The following GRAMD2B variants were observed in gnomAD, a reference collection of about 807,000 sequenced individuals.
GRAMD2B encodes GRAM domain-containing protein 2B.
GRAMD2B carries 41 observed loss-of-function variants against 59.2 expected under a neutral mutation model. That is an observed-to-expected ratio of 0.69 (90% confidence interval 0.54 to 0.90). GRAMD2B has a LOEUF of 0.90. Among genes scored for constraint, GRAMD2B ranks in the 40% least tolerant of loss-of-function variants. The pLI is 0.00. For synonymous variants in GRAMD2B, 161 were observed against 182.7 expected (o/e 0.88, Z 0.96); for missense variants, 424 against 500.5 (o/e 0.85, Z 1.46).
intron 1 of GRAMD2B, among the ~76,000 whole-genome samples, chr5:126,406,313 A>G (rs932710958): frequency 6.6e-6 from 1 of 151,934 alleles, no homozygotes; most frequent in Admixed American, 6.6e-5. Flanking sequence ...TATGTAACTA[A>G]CCTGCACGTT....
At chr5:126,362,011 C>T (rs564846872) in intron 1 of GRAMD2B, among the ~76,000 whole-genome samples, 42 of 152,316 alleles carry the variant, frequency 2.8e-4, no homozygotes, top group African/African-American at 9.9e-4. Context: ...ACCATCACCC[C>T]AAATGTGGTG....
At chr5:126,484,371 A>T in intron 9 of GRAMD2B, 31 bp from the exon 10 acceptor site, 1 of 1,605,264 alleles carries the variant, frequency 6.2e-7, no homozygotes, top group Non-Finnish European at 8.5e-7. Flanking sequence ...ATTGGAGAGA[A>T]CACTTACCCA....
At chr5:126,401,548 C>T (rs1232474489) in intron 1 of GRAMD2B, among the ~76,000 whole-genome samples, 1 of 151,876 alleles carries the variant, frequency 6.6e-6, no homozygotes, top group East Asian at 1.9e-4. Flanking sequence ...GCTATCTTCA[C>T]ATTTGAAGAA....
chr5:126,388,995 C>G (rs988513147), intron 1 of GRAMD2B, among the ~76,000 whole-genome samples: 2 of 152,134 alleles, frequency 1.3e-5, no homozygotes, highest in African/African-American at 4.8e-5. Context: ...ACTGGTACCT[C>G]CTAAATCGAT....
intron 1 of GRAMD2B, among the ~76,000 whole-genome samples, chr5:126,415,433 T>C (rs1379068671): frequency 6.6e-6 from 1 of 152,134 alleles, no homozygotes; most frequent in East Asian, 1.9e-4. Context: ...TATTTATTTT[T>C]ATATCTCCAT....
intron 1 of GRAMD2B, among the ~76,000 whole-genome samples, chr5:126,393,183 T>TTTC (rs1385035855): frequency 6.6e-6 from 1 of 152,146 alleles, no homozygotes; most frequent in Non-Finnish European, 1.5e-5. Flanking sequence ...TCCCCTTCAC[T>TTTC]TTCCCCTTTT....
chr5:126,420,086 A>G (rs1203949517), upstream of GRAMD2B, among the ~76,000 whole-genome samples: 1 of 150,958 alleles, frequency 6.6e-6, no homozygotes, highest in Non-Finnish European at 1.5e-5. Flanking sequence ...AAGAAAGAAA[A>G]GAAAAGAAAT....
Position 126,469,698 on chromosome 5 carries a change from T to C in GRAMD2B, c.225T>C (p.Gly75=). The C allele has an allele frequency of 6.2e-7, 1 of 1,613,304 alleles. No homozygotes were observed. Among genetic ancestry groups the C allele is most frequent in the Non-Finnish European group, 8.5e-7 (1 of 1,179,334 alleles). The part of the protein sequence containing the change: ...ISLWSKSSFD[G]ASLASDKNDC... Reference sequence around the variant, plus strand: ...TTAGGTCAAAATCCAGTTTTGATGGTGCCTCTTTAGCAAGTGATAAGAACG... The same window carrying C: ...TTAGGTCAAAATCCAGTTTTGATGGCGCCTCTTTAGCAAGTGATAAGAACG... Residue 75 remains glycine (G), a synonymous_variant, in exon 3 of 14, where the codon GGT becomes GGC. Coordinates refer to ENST00000285689, the MANE Select transcript of GRAMD2B (RefSeq NM_023927.4).
chr5:126,385,976 GC>G (rs1756091701), intron 1 of GRAMD2B, among the ~76,000 whole-genome samples: 1 of 152,156 alleles, frequency 6.6e-6, no homozygotes, highest in African/African-American at 2.4e-5. Context: ...GGTCTCTGGA[GC>G]AGAGAGGGAG....
chr5:126,425,101 G>C (rs1435668525), intron 1 of GRAMD2B, among the ~76,000 whole-genome samples: 1 of 152,104 alleles, frequency 6.6e-6, no homozygotes, highest in African/African-American at 2.4e-5. Flanking sequence ...CCTAATACTA[G>C]TCAGCATGCA....
At chr5:126,365,129 A>G (rs141301200) in intron 1 of GRAMD2B, among the ~76,000 whole-genome samples, 105 of 152,226 alleles carry the variant, frequency 6.9e-4, no homozygotes, top group African/African-American at 2.3e-3. Flanking sequence ...TCTTCTTTAT[A>G]TTTTATTTTC....
chr5:126,453,297 T>C (rs566701994), intron 1 of GRAMD2B, among the ~76,000 whole-genome samples: 1 of 147,490 alleles, frequency 6.8e-6, no homozygotes, highest in South Asian at 2.1e-4. Flanking sequence ...ATCACGCCAC[T>C]GCACTCTAGC....
intron 1 of GRAMD2B, among the ~76,000 whole-genome samples, chr5:126,410,162 A>G (rs1228810286): frequency 1.3e-5 from 2 of 151,880 alleles, no homozygotes; most frequent in African/African-American, 4.8e-5. Context: ...GGATTGACTT[A>G]GCAATGCGGG....
At chr5:126,360,612 C>G (rs961326319) in intron 1 of GRAMD2B, among the ~76,000 whole-genome samples, 3 of 152,134 alleles carry the variant, frequency 2.0e-5, no homozygotes, top group African/African-American at 7.2e-5. Context: ...TGTTTATCAT[C>G]AGGGTCTTGA....
chr5:126,442,431 A>T (rs1414935843), intron 1 of GRAMD2B, among the ~76,000 whole-genome samples: 1 of 151,488 alleles, frequency 6.6e-6, no homozygotes, highest in Non-Finnish European at 1.5e-5. Context: ...GCCTGGGATT[A>T]CAGGCGCCCA....
chr5:126,486,653 G>A (rs1426262320), intron 11 of GRAMD2B, among the ~76,000 whole-genome samples: 3 of 152,162 alleles, frequency 2.0e-5, no homozygotes, highest in African/African-American at 7.2e-5. Context: ...GCCATTATTT[G>A]CAAATTAAGG....
chr5:126,402,460 A>G (rs1757921009), intron 1 of GRAMD2B, among the ~76,000 whole-genome samples: 1 of 151,964 alleles, frequency 6.6e-6, no homozygotes, highest in Non-Finnish European at 1.5e-5. Context: ...GACAACACCA[A>G]CCTCTTCAAA....
intron 12 of GRAMD2B, among the ~76,000 whole-genome samples, chr5:126,488,355 G>T (rs780654113): frequency 6.6e-6 from 1 of 152,112 alleles, no homozygotes; most frequent in African/African-American, 2.4e-5. Context: ...CAAAAGTCTC[G>T]TGTTTCAAGG....
rs967787829 is a variant in GRAMD2B, at chr5:126,450,141, C to T, written c.84-15285C>T. On this transcript the variant is annotated intron_variant, in intron 1 of 13. Coordinates refer to ENST00000285689, the MANE Select transcript of GRAMD2B (RefSeq NM_023927.4). Reference sequence around the variant, plus strand: ...GGAGGAAAGAAAGAGCTGTAGTTATCGTAGATGCCAGAGTGGTAAGAGGCA... The same window carrying T: ...GGAGGAAAGAAAGAGCTGTAGTTATTGTAGATGCCAGAGTGGTAAGAGGCA... Among the ~76,000 whole-genome samples, 4 of 151,822 alleles carry T rather than the reference C, an allele frequency of 2.6e-5. No homozygotes were observed. The South Asian group carries it at 8.3e-4, about 32-fold the overall frequency.
Sources: gnomAD v4.1 joint callset for allele counts (sites outside exome capture counted in the v4.1 genomes callset) on GRCh38, gnomAD v4.1.1 for gene constraint, MANE v1.5 for transcripts, NCBI Gene and HGNC (gene_info 2026-07-23, HGNC 2026-07-21) for gene names.